Variants in GLYATL1 observed in about 807,000 individuals in gnomAD.
GLYATL1 encodes glycine N-acyltransferase-like protein 1.
In GLYATL1, 15 loss-of-function variants were observed where a neutral mutation model predicts 20.0. The ratio of observed to expected loss-of-function variants is 0.75; its 90% CI spans 0.50 to 1.15. The LOEUF is 1.15. GLYATL1 is among the 50% of genes most tolerant of loss of function. The pLI, the probability that GLYATL1 is intolerant of heterozygous loss-of-function variation, is 0.00. For synonymous variants in GLYATL1, 151 were observed against 131.5 expected (o/e 1.15, Z -1.01); for missense variants, 380 against 368.5 (o/e 1.03, Z -0.26).
chr11:58,935,918 C>G (rs1855813977), upstream of GLYATL1, among the ~76,000 whole-genome samples: 1 of 151,998 alleles, frequency 6.6e-6, no homozygotes, highest in South Asian at 2.1e-4. Flanking sequence ...TTTTGTATGT[C>G]AATTATACCT....
At chr11:58,907,282 G>A (rs1421969346) in exon 2 of GLYATL1, 2 of 456,194 alleles carry the variant, frequency 4.4e-6, no homozygotes, top group South Asian at 1.5e-5. Flanking sequence ...TTGTCACCTT[G>A]GTCTCTCAGC....
At chr11:58,925,420 T>C (rs1449811376), upstream of GLYATL1, among the ~76,000 whole-genome samples, 2 of 152,230 alleles carry the variant, frequency 1.3e-5, no homozygotes, top group Non-Finnish European at 2.9e-5. Context: ...ATGCCTTAAC[T>C]TTTTAACTCT....
intron 1 of GLYATL1, chr11:58,907,186 G>A: frequency 2.2e-6 from 1 of 453,442 alleles, no homozygotes; most frequent in South Asian, 1.6e-5. Flanking sequence ...AATACTTTAG[G>A]GGAAACCTCT....
At chr11:58,950,869 C>A (rs1032508153) in intron 4 of GLYATL1, among the ~76,000 whole-genome samples, 3 of 151,912 alleles carry the variant, frequency 2.0e-5, no homozygotes, top group African/African-American at 7.3e-5. Flanking sequence ...TACTTTTGAC[C>A]TGTTTATATT....
downstream of GLYATL1, among the ~76,000 whole-genome samples, chr11:58,911,636 T>G (rs2134649374): frequency 6.6e-6 from 1 of 152,346 alleles, no homozygotes; most frequent in East Asian, 1.9e-4. Context: ...TATTAAAATA[T>G]TTTGCCCATT....
At chr11:58,928,185 C>A (rs980865156) in intron 1 of GLYATL1, 7 of 152,172 alleles carry the variant, frequency 4.6e-5, no homozygotes, top group African/African-American at 1.4e-4. Context: ...GCTCCACTAG[C>A]CTTAAGCAGC....
chr11:58,923,645 C>A (rs1855359536), upstream of GLYATL1, among the ~76,000 whole-genome samples: 1 of 152,098 alleles, frequency 6.6e-6, no homozygotes, highest in South Asian at 2.1e-4. Context: ...AGGTTCCCTG[C>A]CTCCAGATCC....
Position 58,955,628 on chromosome 11 carries a change from G to A in GLYATL1, c.510G>A (p.Lys170=). The change falls in exon 7 of 7, where the codon AAG becomes AAA. Residue 170 remains lysine, a synonymous_variant. Coordinates refer to ENST00000532726, the MANE Select transcript of GLYATL1 (RefSeq NM_001389712.2). ...DEFESETPNF[K]YAQLDVSYSG... ...TCTACAGTGAAACTCCCAACTTTAA[G>A]TATGCCCAGCTGGATGTCTCTTATT... 6.2e-7 allele frequency: 1 copy of A among 1,613,884 alleles called. No homozygotes were observed. The highest frequency in any genetic ancestry group is 2.2e-5 in the East Asian group (1 of 44,880).
chr11:58,925,082 T>A (rs1370715854), upstream of GLYATL1, among the ~76,000 whole-genome samples: 4 of 151,964 alleles, frequency 2.6e-5, no homozygotes, highest in Admixed American at 1.3e-4. Flanking sequence ...CTGGCTTGAG[T>A]TTTTTTTCTT....
chr11:58,937,171 G>A (rs1297904630), upstream of GLYATL1, among the ~76,000 whole-genome samples: 1 of 152,162 alleles, frequency 6.6e-6, no homozygotes, highest in Non-Finnish European at 1.5e-5. Context: ...CTACAGAGAG[G>A]TGCAGCCACA....
At chr11:58,944,248 C>T (rs1000113372) in intron 2 of GLYATL1, among the ~76,000 whole-genome samples, 3 of 152,146 alleles carry the variant, frequency 2.0e-5, no homozygotes, top group African/African-American at 7.2e-5. Context: ...GTCTCTTTGA[C>T]TAAAAACAGT....
At chr11:58,942,150 T>C (rs1475238773) in intron 1 of GLYATL1, among the ~76,000 whole-genome samples, 1 of 152,218 alleles carries the variant, frequency 6.6e-6, no homozygotes, top group Non-Finnish European at 1.5e-5. Context: ...GGCAGATTAA[T>C]GTTGCAAGTG....
chr11:58,947,543 C>T (rs754149955), intron 3 of GLYATL1: 2 of 454,526 alleles, frequency 4.4e-6, no homozygotes, highest in Non-Finnish European at 8.0e-6. Context: ...ATAACGTTAG[C>T]ACCTACCGCT....
At chr11:58,943,876 C>A (rs567644281) in intron 2 of GLYATL1, among the ~76,000 whole-genome samples, 2 of 152,138 alleles carry the variant, frequency 1.3e-5, no homozygotes, top group East Asian at 3.9e-4. Flanking sequence ...TGGTAGTAAG[C>A]AGTAATGTTG....
chr11:58,946,822 C>A, intron 2 of GLYATL1: 1 of 584,710 alleles, frequency 1.7e-6, no homozygotes, highest in Non-Finnish European at 3.1e-6. Context: ...GGAGGAAGGG[C>A]ATGGGTTTTG....
downstream of GLYATL1, among the ~76,000 whole-genome samples, chr11:58,910,765 T>A (rs1374735854): frequency 6.6e-6 from 1 of 152,226 alleles, no homozygotes; most frequent in Non-Finnish European, 1.5e-5. Flanking sequence ...TTGATTGTCT[T>A]ACAGATTATT....
intron 1 of GLYATL1, chr11:58,907,217 G>GTCTC: frequency 2.4e-6 from 1 of 408,652 alleles, no homozygotes; most frequent in East Asian, 7.8e-5. Flanking sequence ...TGAGTTTTCT[G>GTCTC]TCTCTCTCTC....
chr11:58,950,451 A>C (rs1204973240), intron 4 of GLYATL1, among the ~76,000 whole-genome samples: 1 of 152,224 alleles, frequency 6.6e-6, no homozygotes, highest in East Asian at 1.9e-4. Flanking sequence ...GAGTCAATGC[A>C]ATGCTATTTA....
chr11:58,940,088 C>G (rs1014319874), intron 1 of GLYATL1, among the ~76,000 whole-genome samples: 1 of 152,158 alleles, frequency 6.6e-6, no homozygotes, highest in Admixed American at 6.5e-5. Flanking sequence ...CACTGTTTGA[C>G]CCCAGTATAG....
Sources: gnomAD v4.1 joint callset for allele counts (sites outside exome capture counted in the v4.1 genomes callset) on GRCh38, gnomAD v4.1.1 for gene constraint, MANE v1.5 for transcripts, NCBI Gene and HGNC (gene_info 2026-07-23, HGNC 2026-07-21) for gene names.